The following MGAT4C variants were observed in gnomAD, a reference collection of about 807,000 sequenced individuals.
The protein encoded by MGAT4C is alpha-1,3-mannosyl-glycoprotein 4-beta-N-acetylglucosaminyltransferase C.
MGAT4C carries 19 observed loss-of-function variants against 40.1 expected under a neutral mutation model. That is an observed-to-expected ratio of 0.47 (90% confidence interval 0.33 to 0.70). The LOEUF (loss-of-function observed/expected upper bound fraction) is 0.70. Ranked by LOEUF, MGAT4C falls within the 30% of genes least tolerant of loss-of-function variation. MGAT4C has a pLI of 0.02. For missense variants in MGAT4C, 491 were observed against 563.2 expected (o/e 0.87, Z 1.30); for synonymous variants, 181 against 187.1 (o/e 0.97, Z 0.27).
At chr12:86,212,604 C>T (rs1214868192) in intron 1 of MGAT4C, among the ~76,000 whole-genome samples, 2 of 151,494 alleles carry the variant, frequency 1.3e-5, no homozygotes, top group African/African-American at 4.9e-5. Flanking sequence ...AAAGAACACT[C>T]ATGGCCGGGC....
At chr12:86,194,269 G>GTT (rs146800158) in intron 1 of MGAT4C, among the ~76,000 whole-genome samples, 9 of 150,822 alleles carry the variant, frequency 6.0e-5, no homozygotes, top group Non-Finnish European at 8.9e-5. Flanking sequence ...AATAACCCTT[G>GTT]TTTTTTTTTA....
chr12:86,657,039 T>A (rs572294997), intron 2 of MGAT4C, among the ~76,000 whole-genome samples: 1 of 152,160 alleles, frequency 6.6e-6, no homozygotes, highest in South Asian at 2.1e-4. Flanking sequence ...AATTGACTTC[T>A]AAGAAGAATC....
At chr12:86,763,946 G>T (rs1024235273) in intron 1 of MGAT4C, among the ~76,000 whole-genome samples, 1 of 152,090 alleles carries the variant, frequency 6.6e-6, no homozygotes, top group Non-Finnish European at 1.5e-5. Context: ...CGCAGAAGAC[G>T]GGTGATTTCT....
At chr12:86,539,614 G>A (rs1478816490) in intron 2 of MGAT4C, among the ~76,000 whole-genome samples, 2 of 151,934 alleles carry the variant, frequency 1.3e-5, no homozygotes, top group Non-Finnish European at 2.9e-5. Context: ...CTTCCACAAT[G>A]GTTGAACTAG....
intron 1 of MGAT4C, among the ~76,000 whole-genome samples, chr12:86,210,427 T>G (rs1190559376): frequency 2.0e-5 from 3 of 152,200 alleles, no homozygotes; most frequent in Non-Finnish European, 2.9e-5. Context: ...CTTGCCTTGT[T>G]TTTCATTGTT....
intron 1 of MGAT4C, among the ~76,000 whole-genome samples, chr12:86,158,383 T>A (rs766277739): frequency 6.6e-6 from 1 of 152,146 alleles, no homozygotes; most frequent in Non-Finnish European, 1.5e-5. Flanking sequence ...ATTATTAAAA[T>A]AAAGCAAATC....
chr12:86,745,650 C>G lies in MGAT4C; in HGVS notation c.-261-18409G>C, dbSNP rs76647537. 9.9e-5 allele frequency among the ~76,000 whole-genome samples: 15 copies of G among 151,750 alleles called. No individual in the cohort carries two copies. In the East Asian group the frequency reaches 1.2e-3, roughly 12 times the overall value. Reference sequence around the variant, plus strand: ...TGATTTGTATCTGTTGAATGCTTAACTCAATGCCCATAATAATCATGTTTT... The same window carrying G: ...TGATTTGTATCTGTTGAATGCTTAAGTCAATGCCCATAATAATCATGTTTT... On this transcript the variant is annotated intron_variant, in intron 1 of 7. Coordinates refer to the MGAT4C transcript ENST00000548651.
chr12:86,507,719 T>G (rs575826398), intron 2 of MGAT4C, among the ~76,000 whole-genome samples: 1 of 152,326 alleles, frequency 6.6e-6, no homozygotes, highest in Non-Finnish European at 1.5e-5. Context: ...GGTTTCCCTC[T>G]TATGCAATAT....
At chr12:86,293,857 C>T (rs1048290623) in intron 4 of MGAT4C, among the ~76,000 whole-genome samples, 1 of 152,154 alleles carries the variant, frequency 6.6e-6, no homozygotes, top group African/African-American at 2.4e-5. Flanking sequence ...AAGGCATCTG[C>T]TTGTCCTTTG....
intron 1 of MGAT4C, among the ~76,000 whole-genome samples, chr12:86,066,775 C>A (rs971737279): frequency 1.3e-5 from 2 of 151,868 alleles, no homozygotes; most frequent in African/African-American, 2.4e-5. Flanking sequence ...GAACAGGCAA[C>A]CTAAAGAATG....
At chr12:86,315,632 G>A (rs1160265264) in intron 4 of MGAT4C, among the ~76,000 whole-genome samples, 2 of 152,152 alleles carry the variant, frequency 1.3e-5, no homozygotes, top group Non-Finnish European at 2.9e-5. Context: ...CATGAACCCG[G>A]GAGGCGGAGC....
intron 1 of MGAT4C, among the ~76,000 whole-genome samples, chr12:86,825,157 T>C (rs1023254925): frequency 6.6e-6 from 1 of 151,234 alleles, no homozygotes; most frequent in South Asian, 2.1e-4. Context: ...TGCCTAAATA[T>C]AGAAATGATA....
chr12:86,726,945 A>C (rs561593856), intron 2 of MGAT4C, among the ~76,000 whole-genome samples: 10 of 152,128 alleles, frequency 6.6e-5, no homozygotes, highest in African/African-American at 1.4e-4. Flanking sequence ...TTTGAAGTAA[A>C]ATCCTATGGC....
rs956350178 is a variant in MGAT4C at position 85,979,617 on chromosome 12, C to A, written c.1109G>T (p.Gly370Val). The A allele has an allele frequency of 6.2e-7, 1 of 1,611,134 alleles. No individual in the cohort carries two copies. The highest frequency in any genetic ancestry group is 8.5e-7 in the Non-Finnish European group (1 of 1,179,368). ...AYSSVDEYFWGKPPSTGDVFV... is the reference protein window; with the variant it reads ...AYSSVDEYFWVKPPSTGDVFV... The stretch of plus-strand genomic sequence containing the variant: ...AACATCTCCTGTTGAAGGTGGTTTC[C>A]CCCAAAAGTACTCATCAACACTACT... The change falls in exon 5 of 5, where the codon GGG becomes GTG. Residue 370 changes from glycine to valine, a missense_variant. Transcript: ENST00000611864.
chr12:86,324,698 T>G (rs185892632), intron 4 of MGAT4C, among the ~76,000 whole-genome samples: 1 of 152,040 alleles, frequency 6.6e-6, no homozygotes, highest in Non-Finnish European at 1.5e-5. Context: ...AAACGAGAGT[T>G]GTTTTTTTTT....
intron 1 of MGAT4C, among the ~76,000 whole-genome samples, chr12:86,069,025 A>G (rs201108725): frequency 2.0e-5 from 3 of 152,122 alleles, no homozygotes; most frequent in East Asian, 1.9e-4. Flanking sequence ...TAAAAATTGG[A>G]CTGGTTTGTC....
At chr12:86,566,655 G>C (rs536815576) in intron 2 of MGAT4C, among the ~76,000 whole-genome samples, 3 of 136,186 alleles carry the variant, frequency 2.2e-5, no homozygotes, top group Non-Finnish European at 4.7e-5. Flanking sequence ...ATGTATATAG[G>C]TATGTATATG....
intron 2 of MGAT4C, among the ~76,000 whole-genome samples, chr12:86,007,455 G>GT (rs1888003894): frequency 6.6e-6 from 1 of 152,052 alleles, no homozygotes; most frequent in African/African-American, 2.4e-5. Flanking sequence ...TGATCTGGTA[G>GT]TGTATCATAA....
chr12:86,429,207 G>A (rs1489031137), intron 3 of MGAT4C, among the ~76,000 whole-genome samples: 1 of 151,874 alleles, frequency 6.6e-6, no homozygotes, highest in Non-Finnish European at 1.5e-5. Context: ...CATTTTGATT[G>A]CTTCAATGAC....
Sources: allele counts gnomAD v4.1 joint callset (sites outside exome capture counted in the v4.1 genomes callset), GRCh38; gene constraint gnomAD v4.1.1; transcripts MANE v1.5; gene names NCBI Gene and HGNC (gene_info 2026-07-23, HGNC 2026-07-21).